Variants in KIF5A observed in about 807,000 individuals in gnomAD.
KIF5A encodes the protein kinesin heavy chain isoform 5A.
KIF5A carries 35 observed loss-of-function variants against 141.3 expected under a neutral mutation model. The observed-to-expected ratio is 0.25, with a 90% CI of 0.19 to 0.33. The LOEUF (loss-of-function observed/expected upper bound fraction) is 0.33, where lower values mean the gene tolerates loss of function less well. KIF5A is among the 10% of genes least tolerant of loss of function. KIF5A has a pLI of 1.00. For synonymous variants in KIF5A, 448 were observed against 500.2 expected, an observed-to-expected ratio of 0.90 and a Z score of 1.39; for missense variants, 861 against 1,314.3, an observed-to-expected ratio of 0.66 and a Z score of 5.33.
intron 1 of KIF5A, among the ~76,000 whole-genome samples, chr12:57,556,757 C>T (rs2140154636): frequency 6.6e-6 from 1 of 152,098 alleles, no homozygotes; most frequent in South Asian, 2.1e-4. Context: ...GGCTGGGTGC[C>T]TGGCTTCATG....
At chr12:57,556,230 C>G (rs1281407607) in intron 1 of KIF5A, among the ~76,000 whole-genome samples, 4 of 151,694 alleles carry the variant, frequency 2.6e-5, no homozygotes, top group African/African-American at 9.7e-5. Context: ...ACTCCGCCTT[C>G]CGGGTTCACG....
At chr12:57,564,006 GTTC>G (rs1881989294) in intron 3 of KIF5A, 99 bp from the exon 4 acceptor site, 6 of 850,160 alleles carry the variant, frequency 7.1e-6, no homozygotes, top group African/African-American at 1.7e-5. Flanking sequence ...AACTTAGGAT[GTTC>G]TTCTTATTGA....
At position 57,568,943 on chromosome 12, in the gene KIF5A, A is replaced by G. The variant is rs201888198; in HGVS notation, c.715-20A>G. 3.2e-4 allele frequency: 512 copies of G among 1,581,304 alleles called. 2 individuals carry two copies. The East Asian group carries it at 0.011, about 34-fold the overall frequency. On this transcript the variant is annotated intron_variant, in intron 8 of 28. Coordinates refer to ENST00000455537, the MANE Select transcript of KIF5A (RefSeq NM_004984.4). ...CATGTGCAGCTGCTCATACACACTCATCTCTTACTGCCCTGGTAGGTCAGC... is the reference window on the plus strand; with the variant it reads ...CATGTGCAGCTGCTCATACACACTCGTCTCTTACTGCCCTGGTAGGTCAGC...
At chr12:57,554,725 T>C (rs920685828) in intron 1 of KIF5A, among the ~76,000 whole-genome samples, 10 of 152,104 alleles carry the variant, frequency 6.6e-5, no homozygotes, top group African/African-American at 2.4e-4. Context: ...CTCAGGAAGC[T>C]TCCAGTCATG....
rs1882478310 is a variant in KIF5A, at chr12:57,578,009, G to T, written c.2362G>T (p.Ala788Ser). ...QDLKGLEETV[A>S]RELQTLHNLR... ...CCCAATTTTTCATCATTCTTTCCAG[G>T]CCCGGGAACTCCAGACCCTCCACAA... Residue 788 changes from alanine (A) to serine (S), a missense_variant and splice_region_variant, in exon 22 of 29, where the codon GCC becomes TCC. By Grantham distance (99) the Ala-to-Ser change is moderately conservative. Around this residue, in one of 5 missense-constraint regions of KIF5A, gnomAD observed 482 missense variants for 661.3 expected, o/e 0.73. Transcript: ENST00000455537. The T allele has an allele frequency of 6.2e-7, 1 of 1,613,600 alleles. No homozygotes were observed.
chr12:57,552,948 G>C (rs1261979367), intron 1 of KIF5A, among the ~76,000 whole-genome samples: 1 of 152,042 alleles, frequency 6.6e-6, no homozygotes, highest in Non-Finnish European at 1.5e-5. Context: ...ATAAGCTGGA[G>C]AGACAGCTCT....
chr12:57,576,671 CA>C (rs34378628), intron 19 of KIF5A, 89 bp from the exon 20 acceptor site: 1 of 985,202 alleles, frequency 1.0e-6, no homozygotes, highest in Non-Finnish European at 1.6e-6. Context: ...CTCACTCGTT[CA>C]AAAAGGAAGA....
At chr12:57,571,240 T>C (rs1594918613) in intron 12 of KIF5A, 81 bp from the exon 13 acceptor site, 1 of 848,238 alleles carries the variant, frequency 1.2e-6, no homozygotes, top group Admixed American at 1.7e-5. Flanking sequence ...ATCAGGATCC[T>C]GCCTCTACCC....
At chr12:57,565,065 G>A in intron 6 of KIF5A, 92 bp downstream of exon 6, 1 of 1,158,722 alleles carries the variant, frequency 8.6e-7, no homozygotes, top group Non-Finnish European at 1.3e-6. Context: ...AAGTTGGAGG[G>A]TGGATATCCT....
Position 57,576,117 on chromosome 12 carries a change from A to G in KIF5A, c.2054A>G (p.Lys685Arg), listed in dbSNP as rs745954376. ...GTGCATGAAGTGGCCCTGAAGGACA[A>G]GGAGCCTGACACTCAGGATGCAGAT... ...ETVHEVALKD[K>R]EPDTQDADEV... The change falls in exon 18 of 29, where the codon AAG (lysine) becomes AGG (arginine). Residue 685 changes from lysine to arginine, a missense_variant. Transcript: ENST00000455537. 1 of 1,614,094 alleles carries G rather than the reference A, an allele frequency of 6.2e-7. No individual in the cohort carries two copies. The highest frequency in any genetic ancestry group is 1.3e-5 in the African/African-American group (1 of 74,936).
chr12:57,583,299 C>T (rs1366448187), intron 28 of KIF5A, 84 bp downstream of exon 28: 17 of 641,614 alleles, frequency 2.6e-5, no homozygotes, highest in Admixed American at 1.1e-4. Context: ...GCTGCTGCTT[C>T]TTTTTTTTTT....
chr12:57,582,732 G>A (rs538386092), intron 27 of KIF5A, 103 bp downstream of exon 27: 2 of 946,298 alleles, frequency 2.1e-6, no homozygotes, highest in South Asian at 2.6e-5. Context: ...CTTTGGGGAA[G>A]GGGGAGGGAG....
chr12:57,583,126 G>A lies in KIF5A; in HGVS notation c.3046G>A (p.Ala1016Thr). The A allele has an allele frequency of 6.2e-7, 1 of 1,614,002 alleles. No homozygotes were observed. Among genetic ancestry groups the A allele is most frequent in the South Asian group, 1.1e-5 (1 of 91,058 alleles). The change falls in exon 28 of 29, where the codon GCT becomes ACT. Residue 1016 changes from alanine to threonine, a missense_variant. By Grantham distance (58) the Ala-to-Thr change is moderately conservative. Coordinates refer to ENST00000455537, the MANE Select transcript of KIF5A (RefSeq NM_004984.4). ...NRSDLPCGYE[A>T]EDQAKLFPLH... ...GAGTGACCTGCCGTGTGGCTATGAG[G>A]CTGAGGACCAGGCCAAGCTTTTCCC...
chr12:57,571,056 C>CT (rs1200530493), intron 12 of KIF5A, among the ~76,000 whole-genome samples: 1 of 151,468 alleles, frequency 6.6e-6, no homozygotes, highest in Non-Finnish European at 1.5e-5. Context: ...CCGCCTTGGC[C>CT]TTTCAATGCG....
At chr12:57,583,744 C>T (rs1882677199) in intron 28 of KIF5A, among the ~76,000 whole-genome samples, 1 of 152,208 alleles carries the variant, frequency 6.6e-6, no homozygotes, top group South Asian at 2.1e-4. Context: ...CCCACGAAAT[C>T]AGTCAGCGCT....
chr12:57,558,991 T>A (rs1257521741), intron 1 of KIF5A, among the ~76,000 whole-genome samples: 1 of 152,156 alleles, frequency 6.6e-6, no homozygotes, highest in East Asian at 1.9e-4. Flanking sequence ...TTGCCCAGGC[T>A]GGTCTCCAAC....
At chr12:57,570,194 G>A (rs766629242) in intron 12 of KIF5A, 32 bp downstream of exon 12, 10 of 1,606,674 alleles carry the variant, frequency 6.2e-6, no homozygotes, top group South Asian at 5.5e-5. Flanking sequence ...ACTGAGGCAC[G>A]CCAGGTGGGA....
At chr12:57,557,600 T>C (rs1181052428) in intron 1 of KIF5A, among the ~76,000 whole-genome samples, 1 of 152,114 alleles carries the variant, frequency 6.6e-6, no homozygotes, top group East Asian at 1.9e-4. Flanking sequence ...AATAAGATTA[T>C]ATATCATAAA....
In KIF5A at chr12:57,564,178, A is replaced by G. The variant is rs887626771; in HGVS notation, c.362A>G (p.Tyr121Cys). The change falls in exon 4 of 29, where the codon TAC becomes TGC. Residue 121 changes from tyrosine (Y) to cysteine (C), a missense_variant. Tyr to Cys is a radical substitution (Grantham distance 194, BLOSUM62 -2). This residue lies in a region of KIF5A where 146 missense variants were observed against 353.4 expected (regional missense o/e 0.41). Transcript: ENST00000455537. ...GCCCGAGACATCTTCAACCACATCT[A>G]CTCCATGGATGAGAACCTTGAGTTC... The part of the protein sequence containing the change: ...RIARDIFNHI[Y>C]SMDENLEFHI... 1 of 1,613,256 alleles carries G rather than the reference A, an allele frequency of 6.2e-7. No homozygotes were observed. Among genetic ancestry groups the G allele is most frequent in the Non-Finnish European group, 8.5e-7 (1 of 1,179,546 alleles).
Sources: allele counts gnomAD v4.1 joint callset (sites outside exome capture counted in the v4.1 genomes callset), GRCh38; gene constraint gnomAD v4.1.1; regional missense constraint gnomAD v4.1.1; transcripts MANE v1.5; gene names NCBI Gene and HGNC (gene_info 2026-07-23, HGNC 2026-07-21).